XPNPEP1: variants seen among roughly 807,000 people sequenced by gnomAD.
XPNPEP1 encodes xaa-Pro aminopeptidase 1.
A neutral mutation model predicts 92.4 loss-of-function variants in XPNPEP1; 39 were observed. The ratio of observed to expected loss-of-function variants is 0.42; its 90% CI spans 0.33 to 0.55. The LOEUF is 0.55. Among genes scored for constraint, XPNPEP1 ranks in the 20% least tolerant of loss-of-function variants. The probability of loss-of-function intolerance (pLI) is 0.08; values close to 1 mark genes in which losing one functional copy is unlikely to be tolerated. For synonymous variants in XPNPEP1, 307 were observed against 299.4 expected (o/e 1.03, Z -0.26); for missense variants, 654 against 856.1 (o/e 0.76, Z 2.95).
chr10:109,922,857 A>G (rs1850625139), intron 1 of XPNPEP1, among the ~76,000 whole-genome samples: 1 of 152,178 alleles, frequency 6.6e-6, no homozygotes. Flanking sequence ...TTTCCTGGAG[A>G]TTATACCAAA....
At chr10:109,884,004 A>T in intron 9 of XPNPEP1, 63 bp downstream of exon 9, 1 of 1,482,598 alleles carries the variant, frequency 6.7e-7, no homozygotes, top group South Asian at 1.2e-5. Flanking sequence ...CAGGACCAGA[A>T]AGGGCACACT....
chr10:109,889,191 C>T (rs1049714431), intron 5 of XPNPEP1, among the ~76,000 whole-genome samples: 9 of 152,122 alleles, frequency 5.9e-5, no homozygotes, highest in Non-Finnish European at 1.0e-4. Flanking sequence ...GGCACCTGTC[C>T]GGTTGTCTTT....
At chr10:109,898,618 A>C (rs1849110621) in intron 3 of XPNPEP1, among the ~76,000 whole-genome samples, 1 of 152,234 alleles carries the variant, frequency 6.6e-6, no homozygotes, top group South Asian at 2.1e-4. Context: ...GCCTGTCATG[A>C]GGCGACACCC....
intron 3 of XPNPEP1, 89 bp from the exon 4 acceptor site, chr10:109,893,164 G>C: frequency 8.2e-7 from 1 of 1,225,214 alleles, no homozygotes; most frequent in Non-Finnish European, 1.2e-6. Flanking sequence ...GCTCAGCGGG[G>C]ACTATGAAGA....
chr10:109,877,466 CA>C (rs11403472), intron 14 of XPNPEP1: 6,050 of 221,158 alleles, frequency 0.027, 96 homozygotes, highest in African/African-American at 0.073. Flanking sequence ...ACCTTGTCTC[CA>C]AAAAAAAAAA....
At chr10:109,897,570 T>A (rs904842613) in intron 3 of XPNPEP1, among the ~76,000 whole-genome samples, 2 of 151,976 alleles carry the variant, frequency 1.3e-5, no homozygotes, top group Non-Finnish European at 2.9e-5. Context: ...AATCTACAGA[T>A]GAAAAAAATG....
At position 109,877,809 on chromosome 10, in the gene XPNPEP1, C is replaced by T. The variant is rs775827009; in HGVS notation, c.1300G>A (p.Gly434Ser). The change falls in exon 14 of 21, where the codon GGC becomes AGC. Residue 434 changes from glycine to serine, a missense_variant. Gly to Ser is a moderately conservative substitution (Grantham distance 56). Coordinates refer to ENST00000502935, the MANE Select transcript of XPNPEP1 (RefSeq NM_020383.4). The part of the protein sequence containing the change: ...FPTISSTGPN[G>S]AIIHYAPVPE... Reference sequence around the variant, plus strand: ...CCTTACGCGTAGTGAATGATGGCGCCGTTGGGTCCCGTACTGGAAATTGTT... The same window carrying T: ...CCTTACGCGTAGTGAATGATGGCGCTGTTGGGTCCCGTACTGGAAATTGTT... The T allele has an allele frequency of 2.5e-6, 4 of 1,614,224 alleles. No homozygotes were observed. Among genetic ancestry groups the T allele is most frequent in the East Asian group, 4.5e-5 (2 of 44,884 alleles).
chr10:109,906,478 C>T (rs902462074), intron 3 of XPNPEP1, among the ~76,000 whole-genome samples: 43 of 152,288 alleles, frequency 2.8e-4, no homozygotes, highest in African/African-American at 1.0e-3. Context: ...CATTCCTGCC[C>T]TCATGTTCCA....
At chr10:109,915,150 G>T (rs985555583) in intron 1 of XPNPEP1, 51 bp from the exon 2 acceptor site, 39 of 1,260,396 alleles carry the variant, frequency 3.1e-5, no homozygotes, top group Non-Finnish European at 3.6e-5. Context: ...CAATAAACGT[G>T]GCAAGGCTCA....
chr10:109,869,766 G>A, intron 19 of XPNPEP1, 187 bp downstream of exon 19: 1 of 537,884 alleles, frequency 1.9e-6, no homozygotes, highest in South Asian at 2.4e-5. Context: ...ATCTGGAGAA[G>A]AAGGCTCCAT....
chr10:109,893,100 G>C (rs1589594182), intron 3 of XPNPEP1, 25 bp from the exon 4 acceptor site: 1 of 1,609,514 alleles, frequency 6.2e-7, no homozygotes, highest in East Asian at 2.2e-5. Context: ...TGACAACAAA[G>C]TGGGCCTCGA....
intron 3 of XPNPEP1, among the ~76,000 whole-genome samples, chr10:109,893,751 A>G (rs1445438723): frequency 6.6e-6 from 1 of 152,216 alleles, no homozygotes; most frequent in Non-Finnish European, 1.5e-5. Context: ...CAAAGGGTAC[A>G]AGTCAAAGTG....
chr10:109,865,798 T>C (rs972723140), intron 20 of XPNPEP1, among the ~76,000 whole-genome samples: 2 of 152,360 alleles, frequency 1.3e-5, no homozygotes, highest in South Asian at 2.1e-4. Context: ...GCTGCCTAGA[T>C]GAACCCAAAA....
chr10:109,888,993 G>T (rs1848558753), intron 5 of XPNPEP1, among the ~76,000 whole-genome samples: 1 of 152,166 alleles, frequency 6.6e-6, no homozygotes, highest in South Asian at 2.1e-4. Context: ...TGAAGTCTGG[G>T]AACTGGGAGA....
chr10:109,870,183 C>T (rs923536759), intron 18 of XPNPEP1, among the ~76,000 whole-genome samples, 154 bp from the exon 19 acceptor site: 2 of 151,478 alleles, frequency 1.3e-5, no homozygotes, highest in African/African-American at 4.9e-5. Flanking sequence ...GAGATGCCAC[C>T]TTCTCTCATA....
At position 109,886,273 on chromosome 10, in the gene XPNPEP1, C is replaced by G. The variant is rs530030165; in HGVS notation, c.721G>C (p.Val241Leu). 6.2e-7 allele frequency: 1 copy of G among 1,614,210 alleles called. No individual in the cohort carries two copies. The highest frequency in any genetic ancestry group is 1.1e-5 in the South Asian group (1 of 91,074). The change falls in exon 8 of 21, where the codon GTG becomes CTG. Residue 241 changes from valine (V) to leucine (L), a missense_variant. Physicochemically the swap from Val to Leu is conservative, Grantham distance 32. Transcript: ENST00000502935. Reference protein sequence around the residue: ...KMAERNVMWFVVTALDEIAWL... With the variant: ...KMAERNVMWFLVTALDEIAWL... ...GCAATCTCATCCAAGGCAGTGACCA[C>G]AAACCACATGACGTTCCTCTCAGCC...
At chr10:109,906,983 G>T (rs1232077330) in intron 3 of XPNPEP1, among the ~76,000 whole-genome samples, 6 of 152,078 alleles carry the variant, frequency 3.9e-5, no homozygotes, top group African/African-American at 1.4e-4. Context: ...ACAGGTATGT[G>T]CATGTACATC....
chr10:109,923,465 G>A lies in XPNPEP1; in HGVS notation c.-32C>T. The A allele has an allele frequency of 5.0e-6, 7 of 1,405,598 alleles. No homozygotes were observed. The highest frequency in any genetic ancestry group is 1.4e-5 in the South Asian group (1 of 72,846). The allele number at this position is 1,405,598 out of a possible 1,614,324, so 87.1% of individuals were successfully genotyped here. ...GTGACGTGCCCCAGCCCACGTCAGG[G>A]GAGCGCAGACCAGCTGATCACCCGC... On this transcript the variant is annotated 5_prime_UTR_variant, in exon 1 of 21. Coordinates refer to ENST00000502935, the MANE Select transcript of XPNPEP1 (RefSeq NM_020383.4).
At chr10:109,897,882 G>A (rs1363744182) in intron 3 of XPNPEP1, among the ~76,000 whole-genome samples, 1 of 151,992 alleles carries the variant, frequency 6.6e-6, no homozygotes, top group Non-Finnish European at 1.5e-5. Flanking sequence ...TCGAACTCCT[G>A]ACCTCAAGTG....
Sources: allele counts gnomAD v4.1 joint callset (sites outside exome capture counted in the v4.1 genomes callset), GRCh38; gene constraint gnomAD v4.1.1; transcripts MANE v1.5; gene names NCBI Gene and HGNC (gene_info 2026-07-23, HGNC 2026-07-21).